Variants in SHANK2 observed in about 807,000 individuals in gnomAD.
The protein encoded by SHANK2 is SH3 and multiple ankyrin repeat domains 2, also known as SH3 and multiple ankyrin repeat domains protein 2.
A neutral mutation model predicts 133.7 loss-of-function variants in SHANK2; 43 were observed. That is an observed-to-expected ratio of 0.32 (90% CI 0.25 to 0.41). SHANK2 has a LOEUF of 0.41. Ranked by LOEUF, SHANK2 falls within the 10% of genes least tolerant of loss-of-function variation. SHANK2 has a pLI of 1.00. For synonymous variants in SHANK2, 1,017 were observed against 952.8 expected (o/e 1.07, Z -1.24); for missense variants, 1,994 against 2,235.8 (o/e 0.89, Z 2.18).
intron 2 of SHANK2, among the ~76,000 whole-genome samples, chr11:71,201,897 G>A (rs989476765): frequency 6.6e-6 from 1 of 152,222 alleles, no homozygotes; most frequent in Non-Finnish European, 1.5e-5. Context: ...AACCTGCCCA[G>A]TGGCTTCTGT....
intron 14 of SHANK2, among the ~76,000 whole-genome samples, chr11:70,700,360 G>T (rs901309509): frequency 2.6e-5 from 4 of 152,104 alleles, no homozygotes; most frequent in African/African-American, 9.7e-5. Flanking sequence ...CACTTCGCAG[G>T]CCCCTCCAGT....
chr11:71,109,852 CA>C (rs1951864525), intron 6 of SHANK2, 88 bp downstream of exon 6: 1 of 782,486 alleles, frequency 1.3e-6, no homozygotes, highest in African/African-American at 1.7e-5. Context: ...AAGGTAACTG[CA>C]GCGTTATTCA....
At position 70,771,011 on chromosome 11, in the gene SHANK2, G is replaced by A. The variant is rs577971634; in HGVS notation, c.1777+27432C>T. Reference sequence around the variant, plus strand: ...GCAATCTTGGTTCACTGCAACCTCCGCCTCCCAGGCTCAAGCGATACACCC... The same window carrying A: ...GCAATCTTGGTTCACTGCAACCTCCACCTCCCAGGCTCAAGCGATACACCC... On this transcript the variant is annotated intron_variant, in intron 14 of 25. Transcript: ENST00000601538. Among the ~76,000 whole-genome samples the A allele has an allele frequency of 6.2e-5, 8 of 129,248 alleles. No individual in the cohort carries two copies. The South Asian group carries it at 1.4e-3, about 22-fold the overall frequency. The allele number at this position is 129,248 out of a possible 152,430, so 84.8% of individuals were successfully genotyped here.
At chr11:70,822,246 G>C (rs1245640338) in intron 11 of SHANK2, among the ~76,000 whole-genome samples, 4 of 152,250 alleles carry the variant, frequency 2.6e-5, no homozygotes, top group Non-Finnish European at 5.9e-5. Flanking sequence ...TGGCTCCGAA[G>C]TTTCCACTGC....
intron 8 of SHANK2, among the ~76,000 whole-genome samples, chr11:71,076,879 T>G (rs953295310): frequency 5.5e-4 from 83 of 152,238 alleles, no homozygotes; most frequent in African/African-American, 1.6e-3. Context: ...TCACAACTAC[T>G]GGGGAAAAAG....
intron 17 of SHANK2, among the ~76,000 whole-genome samples, chr11:70,638,996 T>TCAAAAAAA (rs71467412): frequency 6.7e-6 from 1 of 150,176 alleles, no homozygotes. Context: ...AGACTCCATC[T>TCAAAAAAA]CAAAAAAACA....
chr11:71,096,588 T>C (rs1426621623), intron 6 of SHANK2, among the ~76,000 whole-genome samples: 1 of 152,130 alleles, frequency 6.6e-6, no homozygotes, highest in African/African-American at 2.4e-5. Flanking sequence ...GGGAAGTGAC[T>C]GATCCTCGAA....
At chr11:71,126,119 G>T (rs1952179572) in intron 3 of SHANK2, among the ~76,000 whole-genome samples, 1 of 148,256 alleles carries the variant, frequency 6.7e-6, no homozygotes, top group Admixed American at 6.9e-5. Context: ...TTGGGAGGCT[G>T]AGGCAGGAGA....
intron 3 of SHANK2, among the ~76,000 whole-genome samples, chr11:71,135,569 C>T (rs1426072694): frequency 2.0e-5 from 3 of 150,736 alleles, no homozygotes; most frequent in African/African-American, 7.3e-5. Context: ...TCACTGCAAC[C>T]TCCACCTCCC....
chr11:70,637,620 C>T lies in SHANK2; in HGVS notation c.2061+22208G>A, dbSNP rs565359829. Reference sequence around the variant, plus strand: ...TGACCCGTGGGAGGCCGCTGCCCAGCGCTCAGGAAGGCCGGGGCACAAAGG... The same window carrying T: ...TGACCCGTGGGAGGCCGCTGCCCAGTGCTCAGGAAGGCCGGGGCACAAAGG... On this transcript the variant is annotated intron_variant, in intron 17 of 25. Transcript: ENST00000601538. 4.6e-5 allele frequency among the ~76,000 whole-genome samples: 7 copies of T among 152,354 alleles called. No individual in the cohort carries two copies. In the East Asian group the frequency reaches 7.7e-4, roughly 17 times the overall value.
At chr11:70,603,046 G>C (rs2060522222) in intron 17 of SHANK2, among the ~76,000 whole-genome samples, 1 of 152,228 alleles carries the variant, frequency 6.6e-6, no homozygotes, top group Admixed American at 6.5e-5. Context: ...CTGGAAAACA[G>C]GTAAACGTTA....
intron 14 of SHANK2, among the ~76,000 whole-genome samples, chr11:70,785,580 A>T (rs1947632249): frequency 1.3e-5 from 2 of 152,196 alleles, no homozygotes; most frequent in South Asian, 4.2e-4. Context: ...GAATGCCACT[A>T]CCTCTGTCTC....
At chr11:71,215,921 A>G (rs1255071362) in intron 2 of SHANK2, among the ~76,000 whole-genome samples, 4 of 152,122 alleles carry the variant, frequency 2.6e-5, no homozygotes, top group African/African-American at 9.7e-5. Context: ...CCACAATGAG[A>G]CAGCGCCTCC....
intron 17 of SHANK2, among the ~76,000 whole-genome samples, chr11:70,630,023 C>T (rs2060961018): frequency 6.6e-6 from 1 of 152,224 alleles, no homozygotes; most frequent in Admixed American, 6.5e-5. Flanking sequence ...CGTCTGTGGG[C>T]TTCCAGAGAG....
intron 17 of SHANK2, among the ~76,000 whole-genome samples, chr11:70,637,236 T>C (rs1017083823): frequency 4.6e-5 from 7 of 152,156 alleles, no homozygotes; most frequent in Non-Finnish European, 7.4e-5. Flanking sequence ...TGTCAATCTG[T>C]GCAGTGCCTG....
At chr11:70,476,314 G>A (rs1487276119) in intron 25 of SHANK2, among the ~76,000 whole-genome samples, 1 of 152,068 alleles carries the variant, frequency 6.6e-6, no homozygotes, top group East Asian at 1.9e-4. Flanking sequence ...AGGGGAGAGG[G>A]GCCAGCACCC....
chr11:70,926,302 T>G (rs938224432), intron 10 of SHANK2, among the ~76,000 whole-genome samples: 1 of 152,064 alleles, frequency 6.6e-6, no homozygotes, highest in African/African-American at 2.4e-5. Context: ...TCCCAGCTAT[T>G]TGGGAGGCTG....
chr11:71,082,260 C>T (rs1430683985), intron 8 of SHANK2, among the ~76,000 whole-genome samples: 1 of 152,196 alleles, frequency 6.6e-6, no homozygotes, highest in Non-Finnish European at 1.5e-5. Flanking sequence ...TGGCATTGTG[C>T]TTACCGTGAC....
chr11:70,939,213 G>A (rs1239701723), intron 10 of SHANK2, among the ~76,000 whole-genome samples: 3 of 152,184 alleles, frequency 2.0e-5, no homozygotes, highest in Non-Finnish European at 4.4e-5. Flanking sequence ...CGTTTAAAAA[G>A]AGGATAGCTC....
Sources: allele counts gnomAD v4.1 joint callset (sites outside exome capture counted in the v4.1 genomes callset), GRCh38; gene constraint gnomAD v4.1.1; transcripts MANE v1.5; gene names NCBI Gene and HGNC (gene_info 2026-07-23, HGNC 2026-07-21).